The following PRSS36 variants were observed in gnomAD, a reference collection of about 807,000 sequenced individuals.
PRSS36 encodes the protein polyserase-2.
In PRSS36, 90 loss-of-function variants were observed where a neutral mutation model predicts 94.3. That is an observed-to-expected ratio of 0.95 (90% CI 0.80 to 1.14). The LOEUF (loss-of-function observed/expected upper bound fraction) is 1.14. Ranked by LOEUF, PRSS36 falls within the 50% of genes most tolerant of loss-of-function variation. The probability of loss-of-function intolerance (pLI) is 0.00; values close to 1 mark genes in which losing one functional copy is unlikely to be tolerated. For synonymous variants in PRSS36, 500 were observed against 489.6 expected, an observed-to-expected ratio of 1.02 and a Z score of -0.28; for missense variants, 1,158 against 1,135.0, an observed-to-expected ratio of 1.02 and a Z score of -0.29.
chr16:31,140,680 T>A lies in PRSS36; in HGVS notation c.1979A>T (p.Gln660Leu), dbSNP rs1463655497. The change falls in exon 13 of 15, where the codon CAG becomes CTG. Residue 660 changes from glutamine (Q) to leucine (L), a missense_variant. Physicochemically the swap from Gln to Leu is moderately radical, Grantham distance 113. Coordinates refer to ENST00000268281, the MANE Select transcript of PRSS36 (RefSeq NM_173502.5). ...AGASSLPQGH[Q>L]VSRLVISIRL... ...GATGCTGATGACCAAGCGGGATACC[T>A]GGTGGCCCTGTGGGAGGGAGCTGGC... 1.2e-6 allele frequency: 2 copies of A among 1,613,954 alleles called. No homozygotes were observed. Among genetic ancestry groups the A allele is most frequent in the Non-Finnish European group, 1.7e-6 (2 of 1,179,988 alleles).
In PRSS36 at chr16:31,143,811, A is replaced by AC. The variant is rs2057756721; in HGVS notation, c.746dup (p.Cys249TrpfsTer2). On this transcript the variant is annotated frameshift_variant, in exon 7 of 15. Transcript: ENST00000268281. LOFTEE classifies it high-confidence loss of function. ...CCTGGAACCAGCGGCCGCCTTCCTC[A>AC]CAGACCAGGGGCCCCCCAGAGTCAC... The AC allele has an allele frequency of 6.2e-7, 1 of 1,613,418 alleles. No individual in the cohort carries two copies. The highest frequency in any genetic ancestry group is 1.7e-5 in the Admixed American group (1 of 60,000).
At position 31,143,777 on chromosome 16, in the gene PRSS36, T is replaced by C. The variant is rs778099836; in HGVS notation, c.781A>G (p.Thr261Ala). 1.2e-6 allele frequency: 2 copies of C among 1,613,902 alleles called. No individual in the cohort carries two copies. The highest frequency in any genetic ancestry group is 1.7e-6 in the Non-Finnish European group (2 of 1,180,030). The change falls in exon 7 of 15, where the codon ACC becomes GCC. Residue 261 changes from threonine to alanine, a missense_variant. Coordinates refer to ENST00000268281, the MANE Select transcript of PRSS36 (RefSeq NM_173502.5). Reference protein sequence around the residue: ...EGGRWFQAGITSFGFGCGRRN... With the variant: ...EGGRWFQAGIASFGFGCGRRN... ...CGTCCACAGCCAAAGCCAAAGCTGG[T>C]GATTCCTGCCTGGAACCAGCGGCCG...
At position 31,140,654 on chromosome 16, in the gene PRSS36, G is replaced by A. The variant is rs371765050; in HGVS notation, c.2005C>T (p.Arg669Trp). Residue 669 changes from arginine to tryptophan, a missense_variant, in exon 13 of 15, where the codon CGG becomes TGG. Coordinates refer to ENST00000268281, the MANE Select transcript of PRSS36 (RefSeq NM_173502.5). Reference sequence around the variant, plus strand: ...CTGAGTCCCAGGTGCTGGGGCAGCCGGATGCTGATGACCAAGCGGGATACC... The same window carrying A: ...CTGAGTCCCAGGTGCTGGGGCAGCCAGATGCTGATGACCAAGCGGGATACC... Reference protein sequence around the residue: ...HQVSRLVISIRLPQHLGLRPP... With the variant: ...HQVSRLVISIWLPQHLGLRPP... 5.0e-5 allele frequency: 81 copies of A among 1,613,722 alleles called. No homozygotes were observed. Among genetic ancestry groups the A allele is most frequent in the East Asian group, 6.7e-5 (3 of 44,884 alleles).
At chr16:31,149,867 C>T (rs1174996348) in intron 1 of PRSS36, 132 bp downstream of exon 1, 81 of 1,524,604 alleles carry the variant, frequency 5.3e-5, no homozygotes, top group Non-Finnish European at 7.2e-5. Context: ...CTGATACATC[C>T]TCGCCTTCTG....
At chr16:31,147,423 G>A (rs1027850121) in intron 5 of PRSS36, among the ~76,000 whole-genome samples, 2 of 152,212 alleles carry the variant, frequency 1.3e-5, no homozygotes, top group South Asian at 4.1e-4. Flanking sequence ...TCCACAAGCA[G>A]AGGCTGTAGC....
rs752904950 is a variant in PRSS36 at position 31,149,514 on chromosome 16, G to A, written c.74-16C>T. ...GGACTGAGAGCTGGGAGCCAGAGGGGAAAGAGAGGAGGACACTTGTGACTT... is the reference window on the plus strand; with the variant it reads ...GGACTGAGAGCTGGGAGCCAGAGGGAAAAGAGAGGAGGACACTTGTGACTT... On this transcript the variant is annotated splice_polypyrimidine_tract_variant and intron_variant, in intron 2 of 14. Coordinates refer to ENST00000268281, the MANE Select transcript of PRSS36 (RefSeq NM_173502.5). 1.1e-5 allele frequency: 18 copies of A among 1,613,960 alleles called. No individual in the cohort carries two copies. Among genetic ancestry groups the A allele is most frequent in the African/African-American group, 1.3e-5 (1 of 74,912 alleles).
rs1239115175 is a variant in PRSS36 at position 31,141,885 on chromosome 16, C to T, written c.1597G>A (p.Gly533Ser). 2 of 1,614,050 alleles carry T rather than the reference C, an allele frequency of 1.2e-6. No individual in the cohort carries two copies. The highest frequency in any genetic ancestry group is 2.7e-5 in the African/African-American group (2 of 74,914). The change falls in exon 11 of 15, where the codon GGC becomes AGC. Residue 533 changes from glycine (G) to serine (S), a missense_variant. Coordinates refer to ENST00000268281, the MANE Select transcript of PRSS36 (RefSeq NM_173502.5). ...FLAGIRDFPS[G>S]CLRPRAFFPL... is the part of the protein sequence containing the mutation. ...AAGAAGGCTCGGGGACGTAGACAGC[C>T]ACTGGGAAAGTCTCTGATTCCAGCC...
rs143567197 is a variant in PRSS36, at chr16:31,139,362, C to G, written c.2344G>C (p.Val782Leu). ...CQMTEGSWIL[V>L]GMAVQGSREL... ...CGGCTCCCTTGAACAGCCATGCCCACGAGGATCCAGGACCCTTCCGTCATC... is the reference window on the plus strand; with the variant it reads ...CGGCTCCCTTGAACAGCCATGCCCAGGAGGATCCAGGACCCTTCCGTCATC... The change falls in exon 15 of 15, where the codon GTG becomes CTG. Residue 782 changes from valine (V) to leucine (L), a missense_variant. Coordinates refer to ENST00000268281, the MANE Select transcript of PRSS36 (RefSeq NM_173502.5). 11 of 1,614,006 alleles carry G rather than the reference C, an allele frequency of 6.8e-6. No individual in the cohort carries two copies. The East Asian group carries it at 1.6e-4, about 23-fold the overall frequency.
rs2057788609 is a variant in PRSS36 at position 31,145,668 on chromosome 16, A to G, written c.720+121T>C. ...TACACAAACAAAAAACTTCACGTCA[A>G]CCCCATCCCTTGGCAATCTTGCCCT... is the stretch of plus-strand genomic sequence containing the variant. On this transcript the variant is annotated intron_variant, in intron 6 of 14. Transcript: ENST00000268281. 5 of 1,003,522 alleles carry G rather than the reference A, an allele frequency of 5.0e-6. No homozygotes were observed. The East Asian group carries it at 1.0e-4, about 21-fold the overall frequency. 62.2% of individuals were successfully genotyped at this position (1,003,522 alleles called of 1,614,324 possible).
chr16:31,147,239 C>T (rs1233560745), intron 5 of PRSS36, among the ~76,000 whole-genome samples: 1 of 152,130 alleles, frequency 6.6e-6, no homozygotes, highest in Non-Finnish European at 1.5e-5. Context: ...TTATCTGGGT[C>T]CACAGGGTGG....
chr16:31,144,302 G>A (rs547381919), intron 6 of PRSS36, among the ~76,000 whole-genome samples: 59 of 152,262 alleles, frequency 3.9e-4, no homozygotes, highest in Non-Finnish European at 6.5e-4. Context: ...AGCTTCCCGA[G>A]TAGCTGGGAC....
rs1193423893 is a variant in PRSS36, at chr16:31,148,440, C to T, written c.508G>A (p.Gly170Ser). The change falls in exon 5 of 15, where the codon GGC becomes AGC. Residue 170 changes from glycine (G) to serine (S), a missense_variant. Coordinates refer to ENST00000268281, the MANE Select transcript of PRSS36 (RefSeq NM_173502.5). Reference sequence around the variant, plus strand: ...CAGCCGGTGGCCCAGCAGGCGGTGCCGTGCACGAAGCGGTGTGAGGCGCGG... The same window carrying T: ...CAGCCGGTGGCCCAGCAGGCGGTGCTGTGCACGAAGCGGTGTGAGGCGCGG... Reference protein sequence around the residue: ...LPRASHRFVHGTACWATGWGD... With the variant: ...LPRASHRFVHSTACWATGWGD... 4 of 1,573,832 alleles carry T rather than the reference C, an allele frequency of 2.5e-6. No individual in the cohort carries two copies. Among genetic ancestry groups the T allele is most frequent in the African/African-American group, 1.4e-5 (1 of 73,694 alleles).
Position 31,140,620 on chromosome 16 carries a change from A to AG in PRSS36, c.2038dup (p.Leu680ProfsTer59), listed in dbSNP as rs771809480. ...CCGGGAGCTCAGCTCCAGGAGGGCC[A>AG]GGGGGGGCCTGAGTCCCAGGTGCTG... On this transcript the variant is annotated frameshift_variant, in exon 13 of 15. Transcript: ENST00000268281. LOFTEE classifies it high-confidence loss of function. 15 of 1,611,470 alleles carry AG rather than the reference A, an allele frequency of 9.3e-6. No homozygotes were observed. The highest frequency in any genetic ancestry group is 4.0e-5 in the African/African-American group (3 of 74,860).
At chr16:31,143,196 G>A in intron 8 of PRSS36, 146 bp downstream of exon 8, 1 of 1,384,410 alleles carries the variant, frequency 7.2e-7, no homozygotes, top group Non-Finnish European at 9.8e-7. Flanking sequence ...GCCAGGCCAG[G>A]ACCCCTCTTT....
rs2057728759 is a variant in PRSS36, at chr16:31,142,784, T to A, written c.1310A>T (p.Tyr437Phe). Residue 437 changes from tyrosine (Y) to phenylalanine (F), a missense_variant, in exon 9 of 15, where the codon TAC becomes TTC. Tyr to Phe is a conservative substitution (Grantham distance 22). Transcript: ENST00000268281. ...GCGGCAGCGGCTCCCGGGCAGGAAGTAGTGTTCCGGGTGGGGTAGGCACAC... is the reference window on the plus strand; with the variant it reads ...GCGGCAGCGGCTCCCGGGCAGGAAGAAGTGTTCCGGGTGGGGTAGGCACAC... ...RPVCLPHPEHYFLPGSRCRLA... is the reference protein window; with the variant it reads ...RPVCLPHPEHFFLPGSRCRLA... 1.4e-6 allele frequency: 2 copies of A among 1,470,676 alleles called. No individual in the cohort carries two copies. Among genetic ancestry groups the A allele is most frequent in the East Asian group, 5.8e-5 (2 of 34,644 alleles). The allele number at this position is 1,470,676 out of a possible 1,614,324, so 91.1% of individuals were successfully genotyped here.
In PRSS36 at chr16:31,145,902, C is replaced by A; in HGVS notation, c.607G>T (p.Glu203Ter). Reference protein sequence around the residue: ...LQEVELRLLGEATCQCLYSQP... With the variant: ...LQEVELRLLG ...CTGTAGAGACATTGACAGGTGGCCT[C>A]GCCCAGCAGCCTTAGCTCCACTTCC... The change falls in exon 6 of 15, where the codon GAG becomes TAG. Residue 203 changes from glutamate (E) to a stop codon, truncating the protein, a stop_gained. Coordinates refer to ENST00000268281, the MANE Select transcript of PRSS36 (RefSeq NM_173502.5). LOFTEE classifies it high-confidence loss of function. 1 of 1,613,950 alleles carries A rather than the reference C, an allele frequency of 6.2e-7. No individual in the cohort carries two copies. The highest frequency in any genetic ancestry group is 8.5e-7 in the Non-Finnish European group (1 of 1,179,950).
intron 13 of PRSS36, 22 bp from the exon 14 acceptor site, chr16:31,140,437 G>A: frequency 6.2e-7 from 1 of 1,610,812 alleles, no homozygotes; most frequent in Middle Eastern, 1.7e-4. Context: ...AGACAAAGTT[G>A]TTCCAGGGCT....
In PRSS36 at chr16:31,140,620, A is replaced by T. The variant is rs1567443775; in HGVS notation, c.2039T>A (p.Leu680Gln). 6.2e-6 allele frequency: 10 copies of T among 1,611,652 alleles called. No homozygotes were observed. In the East Asian group the frequency reaches 1.6e-4, roughly 25 times the overall value. ...LPQHLGLRPP[L>Q]ALLELSSRVE... is the part of the protein sequence containing the mutation. ...CCGGGAGCTCAGCTCCAGGAGGGCC[A>T]GGGGGGGCCTGAGTCCCAGGTGCTG... The change falls in exon 13 of 15, where the codon CTG (leucine) becomes CAG (glutamine). Residue 680 changes from leucine (L) to glutamine (Q), a missense_variant. Transcript: ENST00000268281.
rs1156582299 is a variant in PRSS36, at chr16:31,141,900, T to A, written c.1582A>T (p.Arg528Ter). ...CGTAGACAGCCACTGGGAAAGTCTC[T>A]GATTCCAGCCAGAAACCAGGTCCCC... ...EEGTWFLAGIRDFPSGCLRPR... is the reference protein window; with the variant it reads ...EEGTWFLAGI Residue 528 changes from arginine to a stop codon, truncating the protein, a stop_gained, in exon 11 of 15, where the codon AGA becomes TGA. Coordinates refer to ENST00000268281, the MANE Select transcript of PRSS36 (RefSeq NM_173502.5). LOFTEE classifies it high-confidence loss of function. 2 of 1,614,026 alleles carry A rather than the reference T, an allele frequency of 1.2e-6. No homozygotes were observed. The highest frequency in any genetic ancestry group is 1.3e-5 in the African/African-American group (1 of 74,900).
Sources: allele counts gnomAD v4.1 joint callset (sites outside exome capture counted in the v4.1 genomes callset), GRCh38; gene constraint gnomAD v4.1.1; transcripts MANE v1.5; gene names NCBI Gene and HGNC (gene_info 2026-07-23, HGNC 2026-07-21).